Variants in USP48 observed in about 807,000 individuals in gnomAD.
USP48 encodes the protein ubiquitin specific peptidase 48, also known as ubiquitin carboxyl-terminal hydrolase 48.
A neutral mutation model predicts 150.7 loss-of-function variants in USP48; 43 were observed. That is an observed-to-expected ratio of 0.29 (90% CI 0.22 to 0.37). The LOEUF (loss-of-function observed/expected upper bound fraction) is 0.37, where lower values mean the gene tolerates loss of function less well. Among genes scored for constraint, USP48 ranks in the 10% least tolerant of loss-of-function variants. The pLI, the probability that USP48 is intolerant of heterozygous loss-of-function variation, is 1.00. For missense variants in USP48, 813 were observed against 1,249.6 expected (o/e 0.65, Z 5.27); for synonymous variants, 396 against 425.9 (o/e 0.93, Z 0.86).
chr1:21,777,972 CAAAAAA>C (rs34374350), intron 1 of USP48, among the ~76,000 whole-genome samples: 1 of 118,924 alleles, frequency 8.4e-6, no homozygotes, highest in East Asian at 2.4e-4. Flanking sequence ...CTAAATATAC[CAAAAAA>C]AAAAAAAAAA....
intron 25 of USP48, among the ~76,000 whole-genome samples, chr1:21,683,845 C>CT (rs1226410310): frequency 1.3e-5 from 2 of 152,118 alleles, no homozygotes; most frequent in African/African-American, 2.4e-5. Flanking sequence ...AAAAGATCAG[C>CT]TTTTTTAGCT....
chr1:21,690,516 C>G (rs1285694457), intron 23 of USP48, among the ~76,000 whole-genome samples: 1 of 150,700 alleles, frequency 6.6e-6, no homozygotes, highest in Non-Finnish European at 1.5e-5. Context: ...TTTCTTTTTT[C>G]TTTTTCTTTT....
intron 9 of USP48, among the ~76,000 whole-genome samples, chr1:21,732,396 T>C (rs1196598775): frequency 6.6e-6 from 1 of 152,224 alleles, no homozygotes; most frequent in Non-Finnish European, 1.5e-5. Context: ...CGATGGTTTC[T>C]ACCTCTCTTT....
intron 14 of USP48, among the ~76,000 whole-genome samples, chr1:21,715,865 G>A (rs2097702643): frequency 6.6e-6 from 1 of 152,126 alleles, no homozygotes; most frequent in South Asian, 2.1e-4. Flanking sequence ...AATTAAATAA[G>A]GACTTAACCT....
intron 16 of USP48, 54 bp downstream of exon 16, chr1:21,706,690 G>C: frequency 6.2e-7 from 1 of 1,610,260 alleles, no homozygotes; most frequent in Non-Finnish European, 8.5e-7. Context: ...CCCCTGGGAA[G>C]TCAACCCAGG....
chr1:21,706,642 C>T (rs935176099), intron 16 of USP48, 53 bp from the exon 17 acceptor site: 14 of 1,613,160 alleles, frequency 8.7e-6, no homozygotes, highest in African/African-American at 5.3e-5. Context: ...CATGACCTGC[C>T]TCCTCCCTAC....
intron 1 of USP48, among the ~76,000 whole-genome samples, chr1:21,777,866 G>T (rs945067166): frequency 2.6e-5 from 4 of 151,542 alleles, no homozygotes; most frequent in South Asian, 2.1e-4. Context: ...AGTGGCTCAC[G>T]CCTGTAATCC....
At chr1:21,754,375 T>C (rs902975906) in intron 3 of USP48, among the ~76,000 whole-genome samples, 3 of 152,152 alleles carry the variant, frequency 2.0e-5, no homozygotes, top group African/African-American at 7.2e-5. Context: ...AAGTGAAGAA[T>C]ACAAAACCGT....
chr1:21,781,588 G>A (rs1195387892), intron 1 of USP48, among the ~76,000 whole-genome samples: 2 of 152,226 alleles, frequency 1.3e-5, no homozygotes, highest in East Asian at 3.9e-4. Context: ...ACAAAACTGA[G>A]TCGGGCGTGG....
At chr1:21,689,046 C>T (rs1019510614) in intron 24 of USP48, among the ~76,000 whole-genome samples, 2 of 151,590 alleles carry the variant, frequency 1.3e-5, no homozygotes, top group Admixed American at 6.6e-5. Context: ...AATACTATGA[C>T]GTATGGTTAA....
At chr1:21,740,381 A>T (rs2097778825) in intron 8 of USP48, among the ~76,000 whole-genome samples, 1 of 152,262 alleles carries the variant, frequency 6.6e-6, no homozygotes, top group Non-Finnish European at 1.5e-5. Context: ...TTAGAAGATT[A>T]TCAAAATGAA....
At chr1:21,753,226 C>G (rs1003612573) in intron 3 of USP48, 107 bp from the exon 4 acceptor site, 7 of 1,158,626 alleles carry the variant, frequency 6.0e-6, no homozygotes, top group Admixed American at 5.0e-5. Flanking sequence ...TACATCCAAA[C>G]TAGATTAATA....
At chr1:21,715,117 AACATAC>A (rs761508098) in intron 15 of USP48, 206 of 332,666 alleles carry the variant, frequency 6.2e-4, no homozygotes, top group Non-Finnish European at 1.0e-3. Context: ...AAGAAGAAGA[AACATAC>A]GAGCACTATT....
intron 1 of USP48, among the ~76,000 whole-genome samples, chr1:21,781,696 T>G (rs2097915002): frequency 6.6e-6 from 1 of 152,244 alleles, no homozygotes; most frequent in South Asian, 2.1e-4. Flanking sequence ...CTCGTGACAC[T>G]GCACTCCAGC....
At chr1:21,753,247 AT>A in intron 3 of USP48, 128 bp from the exon 4 acceptor site, 1 of 1,049,122 alleles carries the variant, frequency 9.5e-7, no homozygotes, top group Admixed American at 3.0e-5. Context: ...CTTTATTATC[AT>A]TTTAAAACTT....
intron 14 of USP48, among the ~76,000 whole-genome samples, chr1:21,718,660 A>T (rs549264695): frequency 6.6e-6 from 1 of 151,890 alleles, no homozygotes; most frequent in South Asian, 2.1e-4. Context: ...CCGGATTCAA[A>T]TGATCTCCTG....
chr1:21,750,687 A>G (rs1282406293), intron 6 of USP48, among the ~76,000 whole-genome samples: 1 of 152,058 alleles, frequency 6.6e-6, no homozygotes, highest in East Asian at 1.9e-4. Flanking sequence ...AGCCTGACCG[A>G]CATGGTAAAA....
chr1:21,759,424 T>G (rs2097844984), intron 1 of USP48, among the ~76,000 whole-genome samples: 1 of 152,128 alleles, frequency 6.6e-6, no homozygotes, highest in Non-Finnish European at 1.5e-5. Context: ...TAGGCTTCTT[T>G]TCCATAGAGA....
chr1:21,741,435 T>C (rs991568460), intron 8 of USP48, among the ~76,000 whole-genome samples: 1 of 152,192 alleles, frequency 6.6e-6, no homozygotes, highest in Non-Finnish European at 1.5e-5. Context: ...CACCCATGCT[T>C]AGAGAAAATG....
Sources: gnomAD v4.1 joint callset for allele counts (sites outside exome capture counted in the v4.1 genomes callset) on GRCh38, gnomAD v4.1.1 for gene constraint, MANE v1.5 for transcripts, NCBI Gene and HGNC (gene_info 2026-07-23, HGNC 2026-07-21) for gene names.